Variants in ARHGAP39 observed in about 807,000 individuals in gnomAD.
ARHGAP39 encodes Rho GTPase activating protein 39, also known as rho GTPase-activating protein 39.
Under a neutral mutation model 106.9 loss-of-function variants are expected in ARHGAP39, and 44 were observed. That is an observed-to-expected ratio of 0.41 (90% CI 0.32 to 0.53). The LOEUF is 0.53. Among genes scored for constraint, ARHGAP39 ranks in the 20% least tolerant of loss-of-function variants. The pLI is 0.21. For synonymous variants in ARHGAP39, 768 were observed against 693.2 expected (o/e 1.11, Z -1.69); for missense variants, 1,496 against 1,577.3 (o/e 0.95, Z 0.87).
chr8:144,640,775 G>A (rs1044675585), intron 1 of ARHGAP39, among the ~76,000 whole-genome samples: 1 of 152,074 alleles, frequency 6.6e-6, no homozygotes, highest in African/African-American at 2.4e-5. Flanking sequence ...CCGAGTTTTC[G>A]ATTCACACAG....
chr8:144,580,734 C>G, intron 3 of ARHGAP39, 112 bp downstream of exon 3: 1 of 1,293,698 alleles, frequency 7.7e-7, no homozygotes, highest in South Asian at 1.6e-5. Context: ...CGCCCACCAC[C>G]TTCACCAGTC....
At chr8:144,553,261 C>G (rs1363367653) in intron 4 of ARHGAP39, among the ~76,000 whole-genome samples, 1 of 152,210 alleles carries the variant, frequency 6.6e-6, no homozygotes. Flanking sequence ...GGCAGGCCCT[C>G]TCACTGACTC....
chr8:144,619,804 G>T (rs1820742753), intron 1 of ARHGAP39, among the ~76,000 whole-genome samples: 3 of 149,750 alleles, frequency 2.0e-5, no homozygotes, highest in Admixed American at 2.0e-4. Context: ...GCGTGCCCGT[G>T]TGTGTGAGCT....
intron 3 of ARHGAP39, among the ~76,000 whole-genome samples, chr8:144,556,315 T>G (rs1049360845): frequency 3.3e-5 from 5 of 150,508 alleles, no homozygotes; most frequent in Non-Finnish European, 5.9e-5. Flanking sequence ...AGAAATACCC[T>G]TGGAGACTGT....
chr8:144,653,892 C>A (rs776043374), intron 1 of ARHGAP39, among the ~76,000 whole-genome samples: 1 of 152,190 alleles, frequency 6.6e-6, no homozygotes, highest in Non-Finnish European at 1.5e-5. Flanking sequence ...AAAGAACTGG[C>A]GCCGAAAAGG....
intron 4 of ARHGAP39, among the ~76,000 whole-genome samples, chr8:144,550,208 G>A (rs1038648200): frequency 2.6e-5 from 4 of 152,226 alleles, no homozygotes; most frequent in East Asian, 1.9e-4. Context: ...CAGGGAGGTC[G>A]AAGCTGCAGT....
At chr8:144,564,468 A>G (rs1048362226) in intron 3 of ARHGAP39, among the ~76,000 whole-genome samples, 6 of 152,116 alleles carry the variant, frequency 3.9e-5, no homozygotes, top group Non-Finnish European at 8.8e-5. Context: ...GGAGAAGGGG[A>G]AAAAAAGGGA....
Position 144,567,488 on chromosome 8 carries a change from G to A in ARHGAP39, c.513-11845C>T, listed in dbSNP as rs548204017. ...CCGCTACTTAGCGGACCAGGAAAGG[G>A]AGTCTCCCTTTCCCGGGGGGAGTTT... On this transcript the variant is annotated intron_variant, in intron 3 of 11. Coordinates refer to ENST00000377307, the MANE Select transcript of ARHGAP39 (RefSeq NM_025251.3). Among the ~76,000 whole-genome samples, 322 of 152,276 alleles carry A rather than the reference G, an allele frequency of 2.1e-3. 2 individuals carry two copies. The highest frequency in any genetic ancestry group is 0.01 in the Middle Eastern group (3 of 292).
intron 1 of ARHGAP39, among the ~76,000 whole-genome samples, chr8:144,675,425 G>A (rs1822208181): frequency 6.6e-6 from 1 of 152,218 alleles, no homozygotes; most frequent in Non-Finnish European, 1.5e-5. Context: ...CTTAAAGATG[G>A]TGTGTCCGGA....
At chr8:144,561,485 CACTCCAGTGGTTTCCATCAG>C (rs1564848487) in intron 3 of ARHGAP39, among the ~76,000 whole-genome samples, 453 of 127,194 alleles carry the variant, frequency 3.6e-3, no homozygotes, top group Non-Finnish European at 5.5e-3. Flanking sequence ...GTTTCCATCA[CACTCCAGTGGTTTCCATCAG>C]ACTCCAGTGG....
intron 3 of ARHGAP39, among the ~76,000 whole-genome samples, chr8:144,562,613 C>T (rs1586909496): frequency 6.7e-6 from 1 of 149,472 alleles, no homozygotes; most frequent in Non-Finnish European, 1.5e-5. Flanking sequence ...CCATCGGACT[C>T]ACTCCAGTGG....
chr8:144,600,651 G>C (rs71520582), intron 2 of ARHGAP39, among the ~76,000 whole-genome samples: 5 of 150,332 alleles, frequency 3.3e-5, no homozygotes, highest in South Asian at 2.1e-4. Flanking sequence ...CGTGTGCATG[G>C]AGGTGTGCGT....
At chr8:144,558,794 T>A (rs1275428084) in intron 3 of ARHGAP39, among the ~76,000 whole-genome samples, 2 of 151,980 alleles carry the variant, frequency 1.3e-5, no homozygotes, top group Non-Finnish European at 1.5e-5. Context: ...ATAATTAGGC[T>A]GGGCACGGTG....
chr8:144,532,333 G>A lies in ARHGAP39; in HGVS notation c.2952C>T (p.Pro984=). 2.5e-6 allele frequency: 4 copies of A among 1,612,818 alleles called. No individual in the cohort carries two copies. Among genetic ancestry groups the A allele is most frequent in the Non-Finnish European group, 3.4e-6 (4 of 1,179,738 alleles). Residue 984 remains proline, a synonymous_variant, in exon 10 of 12, where the codon CCC becomes CCT. Coordinates refer to ENST00000377307, the MANE Select transcript of ARHGAP39 (RefSeq NM_025251.3). ...GGACGTGGGGGTCTTCCAGGCCTGTGGGCACCTTCCACTGGTCCACCTGCA... is the reference window on the plus strand; with the variant it reads ...GGACGTGGGGGTCTTCCAGGCCTGTAGGCACCTTCCACTGGTCCACCTGCA... ...LKLQVDQWKV[P]TGLEDPHVPA... is the part of the protein sequence containing the mutation.
At position 144,624,157 on chromosome 8, in the gene ARHGAP39, G is replaced by A. The variant is rs937284505; in HGVS notation, c.-81-18462C>T. 9.8e-5 allele frequency among the ~76,000 whole-genome samples: 15 copies of A among 152,302 alleles called. No individual in the cohort carries two copies. In the East Asian group the frequency reaches 2.1e-3, roughly 22 times the overall value. On this transcript the variant is annotated intron_variant, in intron 1 of 11. Coordinates refer to ENST00000377307, the MANE Select transcript of ARHGAP39 (RefSeq NM_025251.3). ...AATCAGCCAGGAGCCATACGAGGTCGGCCCTGTAAGCCACACCCACCTGCA... is the reference window on the plus strand; with the variant it reads ...AATCAGCCAGGAGCCATACGAGGTCAGCCCTGTAAGCCACACCCACCTGCA...
upstream of ARHGAP39, among the ~76,000 whole-genome samples, chr8:144,688,784 A>G (rs544246372): frequency 6.6e-6 from 1 of 152,344 alleles, no homozygotes; most frequent in African/African-American, 2.4e-5. Flanking sequence ...CAGGTGGTAT[A>G]ACATAGTAAA....
At chr8:144,601,081 TGCATGTGCGTGGAG>T (rs1819895883) in intron 2 of ARHGAP39, among the ~76,000 whole-genome samples, 1 of 147,488 alleles carries the variant, frequency 6.8e-6, no homozygotes. Context: ...TGTACCTGTG[TGCATGTGCGTGGAG>T]GTGTGTGTGA....
chr8:144,683,332 A>G (rs1041314186), intron 1 of ARHGAP39: 6 of 150,378 alleles, frequency 4.0e-5, no homozygotes, highest in African/African-American at 1.5e-4. Flanking sequence ...AAAAATAAAA[A>G]TAAAATAAAA....
At chr8:144,620,232 T>C (rs1820765598) in intron 1 of ARHGAP39, among the ~76,000 whole-genome samples, 1 of 145,014 alleles carries the variant, frequency 6.9e-6, no homozygotes, top group African/African-American at 2.6e-5. Flanking sequence ...AAAGTGTGTG[T>C]GCCCGTGTCT....
Sources: gnomAD v4.1 joint callset for allele counts (sites outside exome capture counted in the v4.1 genomes callset) on GRCh38, gnomAD v4.1.1 for gene constraint, MANE v1.5 for transcripts, NCBI Gene and HGNC (gene_info 2026-07-23, HGNC 2026-07-21) for gene names.